Variants in AFAP1 observed in about 807,000 individuals in gnomAD.
AFAP1 encodes the protein actin filament associated protein 1.
In AFAP1, 75 loss-of-function variants were observed where a neutral mutation model predicts 93.9. The ratio of observed to expected loss-of-function variants is 0.80; its 90% CI spans 0.66 to 0.97. The LOEUF is 0.97. Among genes scored for constraint, AFAP1 ranks in the 50% least tolerant of loss-of-function variants. The probability of loss-of-function intolerance (pLI) is 0.00; values close to 1 mark genes in which losing one functional copy is unlikely to be tolerated. For missense variants in AFAP1, 1,201 were observed against 1,050.8 expected (o/e 1.14, Z -1.98); for synonymous variants, 517 against 430.7 (o/e 1.20, Z -2.48).
At chr4:7,858,585 T>C (rs1715335056) in intron 3 of AFAP1, among the ~76,000 whole-genome samples, 1 of 152,110 alleles carries the variant, frequency 6.6e-6, no homozygotes, top group Non-Finnish European at 1.5e-5. Context: ...TTAATGGAAT[T>C]GTAAAAGGTA....
chr4:7,823,711 C>A (rs1424730652), intron 6 of AFAP1, among the ~76,000 whole-genome samples: 1 of 152,200 alleles, frequency 6.6e-6, no homozygotes, highest in Non-Finnish European at 1.5e-5. Flanking sequence ...GAATGGGGAA[C>A]ACAGACAAGC....
At chr4:7,906,028 G>C (rs1719382027) in intron 1 of AFAP1, among the ~76,000 whole-genome samples, 1 of 152,206 alleles carries the variant, frequency 6.6e-6, no homozygotes, top group Non-Finnish European at 1.5e-5. Flanking sequence ...GAGGGAGAGA[G>C]GACAAGATAC....
intron 6 of AFAP1, 45 bp downstream of exon 6, chr4:7,838,479 G>C (rs2149105979): frequency 6.4e-7 from 1 of 1,559,184 alleles, no homozygotes; most frequent in East Asian, 2.3e-5. Flanking sequence ...ATCTCAGAAA[G>C]GCATGTGGAA....
intron 9 of AFAP1, among the ~76,000 whole-genome samples, chr4:7,807,708 G>A (rs932303555): frequency 4.6e-5 from 7 of 152,236 alleles, no homozygotes; most frequent in African/African-American, 1.7e-4. Flanking sequence ...CTTCACTGCT[G>A]TCTGCCCAGA....
intron 1 of AFAP1, among the ~76,000 whole-genome samples, chr4:7,893,595 A>C (rs1227160863): frequency 1.3e-5 from 2 of 151,496 alleles, no homozygotes; most frequent in Non-Finnish European, 2.9e-5. Flanking sequence ...AAAAAAAAAA[A>C]AAAAGGTTAA....
chr4:7,913,051 T>C (rs919511530), intron 1 of AFAP1, among the ~76,000 whole-genome samples: 1 of 152,110 alleles, frequency 6.6e-6, no homozygotes, highest in Non-Finnish European at 1.5e-5. Flanking sequence ...TCTTGTGCCA[T>C]GTTATCCAGG....
intron 3 of AFAP1, among the ~76,000 whole-genome samples, chr4:7,861,217 C>T (rs1238110819): frequency 6.6e-6 from 1 of 152,200 alleles, no homozygotes. Context: ...ATCAGGGCTC[C>T]AGTTCCATTT....
At chr4:7,819,446 A>G (rs2149071262) in intron 6 of AFAP1, among the ~76,000 whole-genome samples, 1 of 152,322 alleles carries the variant, frequency 6.6e-6, no homozygotes, top group South Asian at 2.1e-4. Flanking sequence ...TAATTTATTT[A>G]TCGCCATGAA....
chr4:7,926,380 C>T (rs888919386), intron 1 of AFAP1, among the ~76,000 whole-genome samples: 3 of 152,128 alleles, frequency 2.0e-5, no homozygotes, highest in Non-Finnish European at 4.4e-5. Flanking sequence ...ACCTATGAGT[C>T]AAAATGAACC....
chr4:7,896,181 A>G (rs1718751367), intron 1 of AFAP1, among the ~76,000 whole-genome samples: 1 of 152,050 alleles, frequency 6.6e-6, no homozygotes, highest in Admixed American at 6.6e-5. Flanking sequence ...ACTAATCCAA[A>G]TGGTCCAATT....
At chr4:7,893,096 G>T (rs535782453) in intron 1 of AFAP1, among the ~76,000 whole-genome samples, 4 of 152,122 alleles carry the variant, frequency 2.6e-5, no homozygotes, top group Non-Finnish European at 5.9e-5. Flanking sequence ...GTGCCGGGGG[G>T]GCAGAAACCA....
At chr4:7,933,662 C>T (rs1377444967) in intron 1 of AFAP1, among the ~76,000 whole-genome samples, 2 of 152,234 alleles carry the variant, frequency 1.3e-5, no homozygotes, top group Non-Finnish European at 2.9e-5. Flanking sequence ...GACCAGGTCC[C>T]TGGCCTAGCT....
intron 6 of AFAP1, among the ~76,000 whole-genome samples, chr4:7,826,492 G>C (rs1721432761): frequency 6.6e-6 from 1 of 152,270 alleles, no homozygotes; most frequent in Non-Finnish European, 1.5e-5. Context: ...CCAGAGGCAA[G>C]ACTGCAGAGA....
chr4:7,909,212 T>C (rs570546708), intron 1 of AFAP1, among the ~76,000 whole-genome samples: 1 of 152,346 alleles, frequency 6.6e-6, no homozygotes, highest in East Asian at 1.9e-4. Context: ...CACACATATT[T>C]GCACAATCCT....
rs1712603087 is a variant in AFAP1 at position 7,838,631 on chromosome 4, G to C, written c.619C>G (p.Pro207Ala). The C allele has an allele frequency of 4.3e-6, 7 of 1,614,012 alleles. No individual in the cohort carries two copies. Among genetic ancestry groups the C allele is most frequent in the Non-Finnish European group, 5.9e-6 (7 of 1,180,036 alleles). ...PLQGCNITYI[P>A]KDSKKKKHEL... ...TGCTTCTTCTTTTTGCTGTCTTTCG[G>C]GATGTACGTAATGTTACAGCCTTGG... The change falls in exon 6 of 18, where the codon CCG becomes GCG. Residue 207 changes from proline to alanine, a missense_variant. By Grantham distance (27) the Pro-to-Ala change is conservative (BLOSUM62 -1). Coordinates refer to ENST00000420658, the MANE Select transcript of AFAP1 (RefSeq NM_001134647.2).
intron 9 of AFAP1, among the ~76,000 whole-genome samples, chr4:7,801,434 A>T (rs920734199): frequency 3.5e-5 from 5 of 142,956 alleles, no homozygotes; most frequent in Admixed American, 6.9e-5. Context: ...ATCCTCATTT[A>T]AAAAAAAAAA....
chr4:7,848,686 A>G (rs1273222771), intron 4 of AFAP1, among the ~76,000 whole-genome samples: 1 of 152,124 alleles, frequency 6.6e-6, no homozygotes, highest in Non-Finnish European at 1.5e-5. Context: ...GCCAGTGTCC[A>G]GTGTCCTCTG....
chr4:7,797,751 T>C (rs1249048059), intron 10 of AFAP1, among the ~76,000 whole-genome samples: 1 of 152,206 alleles, frequency 6.6e-6, no homozygotes, highest in Admixed American at 6.5e-5. Context: ...TTCCTGACTG[T>C]GATCATATTA....
chr4:7,785,317 C>G (rs993325644), intron 12 of AFAP1, among the ~76,000 whole-genome samples: 16 of 152,138 alleles, frequency 1.1e-4, no homozygotes, highest in Non-Finnish European at 2.9e-5. Context: ...ACCCCCGAGG[C>G]CAGCGTAACA....
Sources: allele counts gnomAD v4.1 joint callset (sites outside exome capture counted in the v4.1 genomes callset), GRCh38; gene constraint gnomAD v4.1.1; transcripts MANE v1.5; gene names NCBI Gene and HGNC (gene_info 2026-07-23, HGNC 2026-07-21).